TRHDE: variants seen among roughly 807,000 people sequenced by gnomAD.
TRHDE encodes the protein thyrotropin releasing hormone degrading enzyme.
Under a neutral mutation model 125.7 loss-of-function variants are expected in TRHDE, and 72 were observed. That is an observed-to-expected ratio of 0.57 (90% CI 0.47 to 0.70). TRHDE has a LOEUF of 0.70. TRHDE is among the 30% of genes least tolerant of loss of function. The probability of loss-of-function intolerance (pLI) is 0.00; values close to 1 mark genes in which losing one functional copy is unlikely to be tolerated. For synonymous variants in TRHDE, 509 were observed against 509.1 expected (o/e 1.00, Z 0.00); for missense variants, 1,110 against 1,327.1 (o/e 0.84, Z 2.54).
At chr12:72,618,445 CTT>C (rs891621818) in intron 12 of TRHDE, among the ~76,000 whole-genome samples, 9 of 152,048 alleles carry the variant, frequency 5.9e-5, no homozygotes, top group Admixed American at 3.9e-4. Flanking sequence ...CAAATTGACA[CTT>C]TAATTTGTTG....
intron 2 of TRHDE, among the ~76,000 whole-genome samples, chr12:72,307,758 T>G (rs1208252488): frequency 6.6e-6 from 1 of 152,188 alleles, no homozygotes; most frequent in Non-Finnish European, 1.5e-5. Flanking sequence ...TGTTGCTCAT[T>G]GTTGTCAGAA....
intron 2 of TRHDE, among the ~76,000 whole-genome samples, chr12:72,304,676 G>A (rs962980411): frequency 2.0e-5 from 3 of 152,160 alleles, no homozygotes; most frequent in Admixed American, 1.3e-4. Context: ...AGTTGACAGT[G>A]AGTTCCCCAT....
intron 5 of TRHDE, among the ~76,000 whole-genome samples, chr12:72,498,964 TGTG>T (rs1453681346): frequency 3.8e-5 from 2 of 53,312 alleles, no homozygotes; most frequent in East Asian, 8.1e-4. Context: ...AGAAAATAAA[TGTG>T]TGTGTGTGTG....
intron 2 of TRHDE, among the ~76,000 whole-genome samples, chr12:72,348,198 C>CT (rs1276020816): frequency 3.3e-5 from 5 of 152,024 alleles, no homozygotes; most frequent in Non-Finnish European, 5.9e-5. Flanking sequence ...ACCTCACATA[C>CT]TTTTTTGTGA....
At chr12:72,581,901 G>A (rs1871246456) in intron 12 of TRHDE, among the ~76,000 whole-genome samples, 1 of 151,822 alleles carries the variant, frequency 6.6e-6, no homozygotes, top group Non-Finnish European at 1.5e-5. Context: ...AGGAGATCAA[G>A]ACCATCCTGG....
intron 2 of TRHDE, among the ~76,000 whole-genome samples, chr12:72,330,330 T>TA (rs58828483): frequency 0.3 from 40,930 of 137,264 alleles, 5,647 homozygotes; most frequent in East Asian, 0.36. Context: ...CAAAGAAAAG[T>TA]AAAAAAAAAA....
intron 8 of TRHDE, 26 bp from the exon 9 acceptor site, chr12:72,562,827 T>G: frequency 6.9e-7 from 1 of 1,442,580 alleles, no homozygotes; most frequent in South Asian, 1.3e-5. Context: ...TTTATAAAAC[T>G]AATTTGTACA....
chr12:72,353,815 G>C (rs1870691865), intron 2 of TRHDE, among the ~76,000 whole-genome samples: 1 of 151,612 alleles, frequency 6.6e-6, no homozygotes, highest in South Asian at 2.1e-4. Flanking sequence ...GACAAGGGGA[G>C]ACCTCTTCTA....
At chr12:72,650,567 T>TTC (rs980217164) in intron 15 of TRHDE, among the ~76,000 whole-genome samples, 10 of 152,262 alleles carry the variant, frequency 6.6e-5, no homozygotes, top group Admixed American at 2.6e-4. Flanking sequence ...TATCCCTATA[T>TTC]TCTCTCTAGT....
chr12:72,213,648 C>T (rs187632982), intron 2 of TRHDE, among the ~76,000 whole-genome samples: 2 of 152,180 alleles, frequency 1.3e-5, no homozygotes, highest in East Asian at 1.9e-4. Context: ...CAACATTTTC[C>T]ATATACTTAT....
At chr12:72,621,391 G>C in intron 14 of TRHDE, 186 bp downstream of exon 14, 1 of 584,186 alleles carries the variant, frequency 1.7e-6, no homozygotes, top group Non-Finnish European at 3.0e-6. Flanking sequence ...GAACAAAGAC[G>C]TTTCCTTGCT....
chr12:72,506,943 GAT>G (rs1878379902), intron 6 of TRHDE, among the ~76,000 whole-genome samples: 1 of 152,158 alleles, frequency 6.6e-6, no homozygotes, highest in Admixed American at 6.6e-5. Flanking sequence ...CATGGGGGCA[GAT>G]TTCCCCCTTG....
At chr12:72,486,649 C>G (rs1183111254) in intron 5 of TRHDE, among the ~76,000 whole-genome samples, 1 of 152,150 alleles carries the variant, frequency 6.6e-6, no homozygotes, top group Non-Finnish European at 1.5e-5. Context: ...ATATGTCCAT[C>G]TGCAGGTGAA....
chr12:72,120,061 T>C (rs1197711906), intron 2 of TRHDE, among the ~76,000 whole-genome samples: 1 of 148,512 alleles, frequency 6.7e-6, no homozygotes, highest in African/African-American at 2.5e-5. Context: ...TCTCTTCTCT[T>C]TTTTTTTTTT....
chr12:72,309,127 T>C (rs1452129630), intron 2 of TRHDE, among the ~76,000 whole-genome samples: 2 of 152,308 alleles, frequency 1.3e-5, no homozygotes, highest in African/African-American at 4.8e-5. Flanking sequence ...AAGTTTCTTC[T>C]TGCTACTCCC....
intron 16 of TRHDE, 44 bp downstream of exon 16, chr12:72,652,533 T>A (rs940003250): frequency 6.8e-7 from 1 of 1,478,660 alleles, no homozygotes; most frequent in African/African-American, 1.4e-5. Flanking sequence ...AATGAAAGTA[T>A]TCTGTTAATC....
intron 1 of TRHDE, among the ~76,000 whole-genome samples, chr12:72,280,518 A>C (rs906071751): frequency 6.6e-6 from 1 of 152,146 alleles, no homozygotes; most frequent in African/African-American, 2.4e-5. Context: ...GGGAATGGGA[A>C]AAGAAGGTGG....
intron 10 of TRHDE, among the ~76,000 whole-genome samples, chr12:72,571,812 T>C (rs1459936885): frequency 6.6e-6 from 1 of 152,136 alleles, no homozygotes; most frequent in Non-Finnish European, 1.5e-5. Flanking sequence ...CTGGTTTATT[T>C]GAGATTCACA....
rs141975047 is a variant in TRHDE at position 72,264,170 on chromosome 12, A to C, written n.280-113825A>C. ...ATACATGAAGAATGTTTGGGAACCT[A>C]TAACACATTTCTTGTGTGTCTCAAT... On this transcript the variant is annotated intron_variant and non_coding_transcript_variant, in intron 2 of 4. Transcript: ENST00000548156. 3.3e-5 allele frequency: 5 copies of C among 152,198 alleles called. No homozygotes were observed. In the East Asian group the frequency reaches 9.6e-4, roughly 29 times the overall value. 9.4% of individuals were successfully genotyped at this position (152,198 alleles called of 1,614,324 possible).
Sources: allele counts gnomAD v4.1 joint callset (sites outside exome capture counted in the v4.1 genomes callset), GRCh38; gene constraint gnomAD v4.1.1; transcripts MANE v1.5; gene names NCBI Gene and HGNC (gene_info 2026-07-23, HGNC 2026-07-21).